Variants in PPARGC1B observed in about 807,000 individuals in gnomAD.
PPARGC1B encodes peroxisome proliferator-activated receptor gamma coactivator 1-beta.
In PPARGC1B, 34 loss-of-function variants were observed where a neutral mutation model predicts 101.6. The ratio of observed to expected loss-of-function variants is 0.33; its 90% confidence interval spans 0.25 to 0.45. The LOEUF (loss-of-function observed/expected upper bound fraction) is 0.45. PPARGC1B is among the 20% of genes least tolerant of loss of function. The probability of loss-of-function intolerance (pLI) is 1.00; values close to 1 mark genes in which losing one functional copy is unlikely to be tolerated. For synonymous variants in PPARGC1B, 548 were observed against 539.3 expected (o/e 1.02, Z -0.22); for missense variants, 1,234 against 1,317.6 (o/e 0.94, Z 0.98).
Position 149,835,320 on chromosome 5 carries a change from A to T in PPARGC1B, c.1762A>T (p.Lys588Ter). 1 of 1,614,184 alleles carries T rather than the reference A, an allele frequency of 6.2e-7. No individual in the cohort carries two copies. Among genetic ancestry groups the T allele is most frequent in the Non-Finnish European group, 8.5e-7 (1 of 1,180,016 alleles). Residue 588 changes from lysine to a stop codon, truncating the protein, a stop_gained, in exon 7 of 12, where the codon AAG becomes TAG. Transcript: ENST00000309241. LOFTEE classifies it high-confidence loss of function. ...LSQSDPTFGK[K>*]SFEQTLTVEL... ...CACCAGCGACCCAACTTTTGGCAAG[A>T]AGAGCTTTGAGCAGACCTTGACAGT...
chr5:149,855,852 C>G (rs183925207), downstream of PPARGC1B, among the ~76,000 whole-genome samples: 1 of 152,120 alleles, frequency 6.6e-6, no homozygotes, highest in Non-Finnish European at 1.5e-5. Flanking sequence ...CGCGGTGGCT[C>G]GCATCTGTAA....
At chr5:149,737,683 A>G (rs1754772821) in intron 1 of PPARGC1B, among the ~76,000 whole-genome samples, 1 of 152,154 alleles carries the variant, frequency 6.6e-6, no homozygotes, top group Non-Finnish European at 1.5e-5. Context: ...TGAAGTGAGA[A>G]GATATGATGA....
At position 149,833,625 on chromosome 5, in the gene PPARGC1B, G is replaced by A. The variant is rs528503189; in HGVS notation, c.1552G>A (p.Val518Ile). Reference sequence around the variant, plus strand: ...GTGCCTGGCTCCCAAGGCCTACGACGTAGAGCGGGAGCTGGGCAGCCCCAC... The same window carrying A: ...GTGCCTGGCTCCCAAGGCCTACGACATAGAGCGGGAGCTGGGCAGCCCCAC... Reference protein sequence around the residue: ...SLCLAPKAYDVERELGSPTDE... With the variant: ...SLCLAPKAYDIERELGSPTDE... The change falls in exon 5 of 12, where the codon GTA becomes ATA. Residue 518 changes from valine (V) to isoleucine (I), a missense_variant. Transcript: ENST00000309241. The surrounding 1 kb of genome is among the most constrained non-coding windows in gnomAD (Gnocchi z 4.1). 1.1e-4 allele frequency: 169 copies of A among 1,609,516 alleles called. No homozygotes were observed. The highest frequency in any genetic ancestry group is 4.7e-4 in the South Asian group (42 of 89,988).
In PPARGC1B at chr5:149,848,021, T is replaced by C. The variant is rs1358110028; in HGVS notation, c.*463T>C. The stretch of plus-strand genomic sequence containing the variant: ...GTATATCCTTAAAATAATGTATTTA[T>C]GGCTCAGATGTACTGTGCCTGGGAT... On this transcript the variant is annotated 3_prime_UTR_variant, in exon 12 of 12. Coordinates refer to ENST00000309241, the MANE Select transcript of PPARGC1B (RefSeq NM_133263.4). 1 of 175,472 alleles carries C rather than the reference T, an allele frequency of 5.7e-6. No individual in the cohort carries two copies. Among genetic ancestry groups the C allele is most frequent in the Non-Finnish European group, 1.2e-5 (1 of 81,164 alleles). The allele number at this position is 175,472 out of a possible 1,614,324, so 10.9% of individuals were successfully genotyped here. A position where few individuals can be genotyped will look rare whatever the true frequency, so the allele number is the denominator to read the frequency against.
At chr5:149,825,164 C>T (rs1758463925) in intron 2 of PPARGC1B, among the ~76,000 whole-genome samples, 1 of 152,238 alleles carries the variant, frequency 6.6e-6, no homozygotes, top group African/African-American at 2.4e-5. Context: ...CACACCAGGC[C>T]TCTGGGCGTG....
chr5:149,786,141 G>A (rs1756800255), intron 1 of PPARGC1B, among the ~76,000 whole-genome samples: 1 of 151,984 alleles, frequency 6.6e-6, no homozygotes, highest in African/African-American at 2.4e-5. Context: ...TGCCCAGGCT[G>A]GAGTCCAGTG....
intron 9 of PPARGC1B, 135 bp downstream of exon 9, chr5:149,840,251 A>C: frequency 1.4e-6 from 1 of 708,906 alleles, no homozygotes; most frequent in South Asian, 1.9e-5. Context: ...GGAAGAAGGG[A>C]CTATGGCAAC....
rs933908335 is a variant in PPARGC1B at position 149,836,827 on chromosome 5, T to C, written c.2372T>C (p.Val791Ala). The change falls in exon 8 of 12, where the codon GTC becomes GCC. Residue 791 changes from valine to alanine, a missense_variant. By Grantham distance (64) the Val-to-Ala change is moderately conservative. This residue lies in a region of PPARGC1B where 497 missense variants were observed against 529.5 expected (regional missense o/e 0.94). Transcript: ENST00000309241. ...ASCKSPEYDT[V>A]FEDSSSSSGE... ...TGCAAGAGCCCTGAGTATGACACTG[T>C]CTTTGAAGACAGCAGCAGCAGCAGC... The C allele has an allele frequency of 1.9e-6, 3 of 1,613,376 alleles. No individual in the cohort carries two copies. The highest frequency in any genetic ancestry group is 1.3e-5 in the African/African-American group (1 of 75,016).
chr5:149,757,394 C>T (rs1005731796), intron 1 of PPARGC1B, among the ~76,000 whole-genome samples: 2 of 151,782 alleles, frequency 1.3e-5, no homozygotes, highest in Non-Finnish European at 2.9e-5. Flanking sequence ...TAAATCAGTG[C>T]ACGCCCTGCC....
intron 1 of PPARGC1B, among the ~76,000 whole-genome samples, chr5:149,797,117 A>C (rs1757251175): frequency 6.6e-6 from 1 of 152,186 alleles, no homozygotes; most frequent in South Asian, 2.1e-4. Context: ...AAGGCTGCCC[A>C]AAATGCTCCT....
intron 1 of PPARGC1B, among the ~76,000 whole-genome samples, chr5:149,741,107 C>T (rs532189156): frequency 3.3e-5 from 5 of 152,242 alleles, no homozygotes; most frequent in African/African-American, 1.2e-4. Context: ...GGAACTCAGC[C>T]GGGTGAGCCC....
At chr5:149,768,284 G>T (rs1021886358) in intron 1 of PPARGC1B, among the ~76,000 whole-genome samples, 5 of 152,088 alleles carry the variant, frequency 3.3e-5, no homozygotes, top group Admixed American at 1.3e-4. Flanking sequence ...CAGCGATAGG[G>T]TTTTTCTTTA....
In PPARGC1B at chr5:149,832,207, G is replaced by C. The variant is rs945929858; in HGVS notation, c.583-449G>C. Among the ~76,000 whole-genome samples the C allele has an allele frequency of 2.0e-5, 3 of 152,200 alleles. No homozygotes were observed. The highest frequency in any genetic ancestry group is 2.9e-5 in the Non-Finnish European group (2 of 68,034). ...GCCTGTAATCCCAACTACTCGGGAG[G>C]CTGAGGCAGGAGAATCGCTTGAACC... On this transcript the variant is annotated intron_variant, in intron 4 of 11. Transcript: ENST00000309241. The surrounding 1 kb of genome is among the most constrained non-coding windows in gnomAD (Gnocchi z 4.9).
At chr5:149,750,454 ATATATATATATAT>A (rs1755248706) in intron 1 of PPARGC1B, among the ~76,000 whole-genome samples, 1 of 1,360 alleles carries the variant, frequency 7.4e-4, no homozygotes, top group African/African-American at 1.6e-3. Flanking sequence ...TTTAGTTAAA[ATATATATATATAT>A]ATATATATAT....
At chr5:149,835,510 A>T in intron 7 of PPARGC1B, 145 bp downstream of exon 7, 1 of 678,192 alleles carries the variant, frequency 1.5e-6, no homozygotes, top group South Asian at 1.9e-5. Flanking sequence ...TAGGCAGTCA[A>T]AAAGCAAACA....
chr5:149,741,722 T>C (rs1754915012), intron 1 of PPARGC1B, among the ~76,000 whole-genome samples: 2 of 151,294 alleles, frequency 1.3e-5, no homozygotes, highest in Admixed American at 1.3e-4. Context: ...CCTCCTCCCA[T>C]GTTCAAGTGA....
At chr5:149,788,351 A>C (rs1480427210) in intron 1 of PPARGC1B, among the ~76,000 whole-genome samples, 1 of 152,260 alleles carries the variant, frequency 6.6e-6, no homozygotes, top group Non-Finnish European at 1.5e-5. Flanking sequence ...GCCATCAGAG[A>C]AATGCAAATC....
At position 149,833,511 on chromosome 5, in the gene PPARGC1B, C is replaced by T. The variant is rs552665189; in HGVS notation, c.1438C>T (p.Arg480Trp). Residue 480 changes from arginine (R) to tryptophan (W), a missense_variant, in exon 5 of 12, where the codon CGG becomes TGG. Around this residue, in one of 3 missense-constraint regions of PPARGC1B, gnomAD observed 734 missense variants for 768.4 expected, o/e 0.96. Coordinates refer to ENST00000309241, the MANE Select transcript of PPARGC1B (RefSeq NM_133263.4). The surrounding 1 kb of genome is among the most constrained non-coding windows in gnomAD (Gnocchi z 4.1). Reference protein sequence around the residue: ...ESSVCPVRRSRRLNPELGPWL... With the variant: ...ESSVCPVRRSWRLNPELGPWL... The stretch of plus-strand genomic sequence containing the variant: ...CTCTGTGTGCCCCGTGCGGCGTTCT[C>T]GGAGACTGAACCCTGAGCTGGGCCC... 1.2e-5 allele frequency: 19 copies of T among 1,566,390 alleles called. No homozygotes were observed. The highest frequency in any genetic ancestry group is 2.4e-5 in the East Asian group (1 of 41,806).
intron 1 of PPARGC1B, among the ~76,000 whole-genome samples, chr5:149,769,001 A>G (rs1395503892): frequency 2.6e-5 from 4 of 152,146 alleles, no homozygotes; most frequent in Non-Finnish European, 5.9e-5. Flanking sequence ...ATGTATTATG[A>G]TCTCTGTGCA....
Sources: gnomAD v4.1 joint callset for allele counts (sites outside exome capture counted in the v4.1 genomes callset) on GRCh38, gnomAD v4.1.1 for gene constraint, gnomAD v4.1.1 regional missense constraint, Gnocchi (gnomAD v3.1) non-coding constraint, MANE v1.5 for transcripts, NCBI Gene and HGNC (gene_info 2026-07-23, HGNC 2026-07-21) for gene names.